AOPEP: variants seen among roughly 807,000 people sequenced by gnomAD.
AOPEP encodes aminopeptidase O.
In AOPEP, 77 loss-of-function variants were observed where a neutral mutation model predicts 98.1. The observed-to-expected ratio is 0.78, with a 90% CI of 0.65 to 0.95. The LOEUF (loss-of-function observed/expected upper bound fraction) is 0.95, where lower values mean the gene tolerates loss of function less well. Among genes scored for constraint, AOPEP ranks in the 40% least tolerant of loss-of-function variants. The pLI, the probability that AOPEP is intolerant of heterozygous loss-of-function variation, is 0.00. For synonymous variants in AOPEP, 346 were observed against 365.3 expected (o/e 0.95, Z 0.60); for missense variants, 1,024 against 1,024.7 (o/e 1.00, Z 0.01).
chr9:94,834,866 A>G (rs1435234062), intron 5 of AOPEP, among the ~76,000 whole-genome samples: 1 of 152,182 alleles, frequency 6.6e-6, no homozygotes, highest in African/African-American at 2.4e-5. Context: ...ACAATAAAAC[A>G]AAAAAGATTT....
intron 4 of AOPEP, among the ~76,000 whole-genome samples, chr9:94,800,301 A>T (rs1317432403): frequency 6.6e-6 from 1 of 152,164 alleles, no homozygotes; most frequent in African/African-American, 2.4e-5. Flanking sequence ...CAAGTCTTTT[A>T]TTCTAGGTAA....
chr9:94,907,220 A>G (rs1453030973), intron 5 of AOPEP, among the ~76,000 whole-genome samples: 3 of 152,214 alleles, frequency 2.0e-5, no homozygotes, highest in African/African-American at 7.2e-5. Context: ...GTATTTTAAA[A>G]TCAGACACAT....
intron 5 of AOPEP, among the ~76,000 whole-genome samples, chr9:94,862,494 C>T (rs2045159328): frequency 1.3e-5 from 2 of 152,228 alleles, no homozygotes; most frequent in Admixed American, 1.3e-4. Context: ...TGGTTGACCT[C>T]CTTCCAGTCT....
At chr9:94,756,885 T>G (rs1403965246) in intron 1 of AOPEP, among the ~76,000 whole-genome samples, 1 of 152,182 alleles carries the variant, frequency 6.6e-6, no homozygotes, top group Non-Finnish European at 1.5e-5. Context: ...CAGCATTGCC[T>G]GTGACCATGT....
intron 7 of AOPEP, among the ~76,000 whole-genome samples, chr9:94,951,832 C>T (rs1449667188): frequency 6.6e-6 from 1 of 152,316 alleles, no homozygotes; most frequent in East Asian, 1.9e-4. Context: ...ATCACTGCTC[C>T]ATCCACCAGG....
At chr9:95,098,034 A>AG in the AOPEP span, among the ~76,000 whole-genome samples, 1 of 152,116 alleles carries the variant, frequency 6.6e-6, no homozygotes, top group South Asian at 2.1e-4. Flanking sequence ...GAAAAAGGCG[A>AG]GGGGAGAAGC....
At chr9:95,052,192 A>G (rs763822771) in intron 13 of AOPEP, among the ~76,000 whole-genome samples, 7 of 152,160 alleles carry the variant, frequency 4.6e-5, no homozygotes, top group Non-Finnish European at 1.0e-4. Context: ...TCTTCTTACT[A>G]TATTGGGCAT....
intron 9 of AOPEP, among the ~76,000 whole-genome samples, chr9:94,956,229 C>T (rs2058444932): frequency 6.6e-6 from 1 of 152,198 alleles, no homozygotes; most frequent in East Asian, 1.9e-4. Context: ...CCAAAGCTGT[C>T]TCGTACACAG....
intron 5 of AOPEP, among the ~76,000 whole-genome samples, chr9:94,809,436 C>T (rs1369479792): frequency 6.6e-6 from 1 of 152,208 alleles, no homozygotes. Context: ...AAAAAAACCA[C>T]CTCCTCAAAA....
At chr9:95,053,587 A>G (rs1449130425) in intron 13 of AOPEP, among the ~76,000 whole-genome samples, 1 of 152,236 alleles carries the variant, frequency 6.6e-6, no homozygotes, top group East Asian at 1.9e-4. Flanking sequence ...TGGAGCTAGC[A>G]AATGTCACTG....
chr9:95,149,834 C>T, the AOPEP span: 10 of 1,423,104 alleles, frequency 7.0e-6, no homozygotes, highest in Admixed American at 2.0e-5. Context: ...AACGTTTGGA[C>T]ACTGCTGTCG....
intron 13 of AOPEP, among the ~76,000 whole-genome samples, chr9:95,038,911 A>G (rs2065054612): frequency 6.6e-6 from 1 of 152,178 alleles, no homozygotes; most frequent in East Asian, 1.9e-4. Context: ...ATTGGGACTT[A>G]CGGATAACCT....
At chr9:94,873,160 T>C (rs2046542289) in intron 5 of AOPEP, among the ~76,000 whole-genome samples, 1 of 152,114 alleles carries the variant, frequency 6.6e-6, no homozygotes, top group Admixed American at 6.5e-5. Flanking sequence ...ATCACCTAAT[T>C]AATGGGTGGG....
At chr9:94,764,838 T>A (rs1464066193) in intron 2 of AOPEP, among the ~76,000 whole-genome samples, 1 of 152,144 alleles carries the variant, frequency 6.6e-6, no homozygotes, top group Non-Finnish European at 1.5e-5. Flanking sequence ...ATGGAAACTC[T>A]GTATATTATC....
intron 13 of AOPEP, among the ~76,000 whole-genome samples, chr9:95,017,453 A>G (rs1431015347): frequency 1.3e-5 from 2 of 152,270 alleles, no homozygotes; most frequent in East Asian, 1.9e-4. Flanking sequence ...GAAAAGGGAC[A>G]GTAAAAATAC....
intron 3 of AOPEP, among the ~76,000 whole-genome samples, chr9:94,779,002 G>C (rs909964834): frequency 9.9e-5 from 15 of 151,872 alleles, no homozygotes; most frequent in African/African-American, 3.6e-4. Flanking sequence ...GCACTTCAGC[G>C]TGGGTGACAG....
chr9:95,005,588 G>T lies in AOPEP; in HGVS notation c.2087G>T (p.Arg696Leu), dbSNP rs61739340. The T allele has an allele frequency of 1.9e-3, 3,048 of 1,614,026 alleles. 58 individuals are homozygous for T. In the African/African-American group the frequency reaches 0.037, roughly 19 times the overall value. Residue 696 changes from arginine to leucine, a missense_variant, in exon 13 of 17, where the codon CGC becomes CTC. Coordinates refer to ENST00000375315, the MANE Select transcript of AOPEP (RefSeq NM_001193329.3). The part of the protein sequence containing the change: ...GVNRRPRKRK[R>L]REKEEVFEKL... ...AACCGGAGACCCCGAAAACGGAAGC[G>T]CAGGGAGAAGGAAGAGGTGTTTGAA...
intron 5 of AOPEP, among the ~76,000 whole-genome samples, chr9:94,888,910 GCCACCACCACATGTAA>G (rs754828986): frequency 6.6e-6 from 1 of 152,106 alleles, no homozygotes; most frequent in South Asian, 2.1e-4. Flanking sequence ...GCATGAAGCT[GCCACCACCACATGTAA>G]CCACCACCAC....
In AOPEP at chr9:94,792,873, A is replaced by G; in HGVS notation, c.1073A>G (p.Asp358Gly). Reference sequence around the variant, plus strand: ...AAGATGGAGACATGGTCATCAAATGATTTGGCAACAGAGAGACCCTTCTCA... The same window carrying G: ...AAGATGGAGACATGGTCATCAAATGGTTTGGCAACAGAGAGACCCTTCTCA... ...EMKMETWSSN[D>G]LATERPFSPS... Residue 358 changes from aspartate (D) to glycine (G), a missense_variant, in exon 4 of 17, where the codon GAT (aspartate) becomes GGT (glycine). By Grantham distance (94) the Asp-to-Gly change is moderately conservative. This residue lies in a region of AOPEP where 440 missense variants were observed against 433.8 expected (regional missense o/e 1.01). Transcript: ENST00000375315. 1.2e-6 allele frequency: 2 copies of G among 1,613,116 alleles called. No individual in the cohort carries two copies. The highest frequency in any genetic ancestry group is 1.7e-6 in the Non-Finnish European group (2 of 1,179,556).
Sources: gnomAD v4.1 joint callset for allele counts (sites outside exome capture counted in the v4.1 genomes callset) on GRCh38, gnomAD v4.1.1 for gene constraint, gnomAD v4.1.1 regional missense constraint, MANE v1.5 for transcripts, NCBI Gene and HGNC (gene_info 2026-07-23, HGNC 2026-07-21) for gene names.